PLD5: variants seen among roughly 807,000 people sequenced by gnomAD.
PLD5 encodes phospholipase D family member 5, also known as inactive phospholipase D5.
PLD5 carries 36 observed loss-of-function variants against 61.1 expected under a neutral mutation model. The observed-to-expected ratio is 0.59, with a 90% confidence interval of 0.45 to 0.78. PLD5 has a LOEUF of 0.78. PLD5 is among the 30% of genes least tolerant of loss of function. PLD5 has a pLI of 0.00. For synonymous variants in PLD5, 243 were observed against 242.8 expected, an observed-to-expected ratio of 1.00 and a Z score of -0.01; for missense variants, 515 against 644.4, an observed-to-expected ratio of 0.80 and a Z score of 2.17.
intron 1 of PLD5, among the ~76,000 whole-genome samples, chr1:242,493,810 T>C (rs777669023): frequency 6.6e-6 from 1 of 152,122 alleles, no homozygotes; most frequent in Non-Finnish European, 1.5e-5. Flanking sequence ...CAAGCAGTGC[T>C]CCAGCAGAGA....
intron 9 of PLD5, among the ~76,000 whole-genome samples, chr1:242,097,603 T>C (rs1052178315): frequency 6.6e-6 from 1 of 152,254 alleles, no homozygotes; most frequent in African/African-American, 2.4e-5. Context: ...GGTTGTTTTT[T>C]TCTCGTAAAT....
In PLD5 at chr1:242,107,835, A is replaced by AT; in HGVS notation, c.1074_1075insA (p.Tyr359IlefsTer19). 6.3e-7 allele frequency: 1 copy of AT among 1,589,754 alleles called. No individual in the cohort carries two copies. Among genetic ancestry groups the AT allele is most frequent in the Non-Finnish European group, 8.5e-7 (1 of 1,172,740 alleles). Reference sequence around the variant, plus strand: ...ATTTTTGCATCCAAGTCTGGCCAGTAAGTCCTGCAGAAATCATATCCAAAT... The same window carrying AT: ...ATTTTTGCATCCAAGTCTGGCCAGTATAGTCCTGCAGAAATCATATCCAAAT... On this transcript the variant is annotated frameshift_variant, in exon 8 of 10. Transcript: ENST00000536534. LOFTEE classifies it high-confidence loss of function.
intron 1 of PLD5, among the ~76,000 whole-genome samples, chr1:242,378,846 A>G (rs1290971885): frequency 6.6e-6 from 1 of 152,128 alleles, no homozygotes; most frequent in Non-Finnish European, 1.5e-5. Flanking sequence ...CAAAAATAAA[A>G]ATAAAACAAT....
rs553140814 is a variant in PLD5 at position 242,247,109 on chromosome 1, G to A, written c.607+18228C>T. 7.9e-5 allele frequency among the ~76,000 whole-genome samples: 12 copies of A among 151,706 alleles called. No individual in the cohort carries two copies. The South Asian group carries it at 1.9e-3, about 24-fold the overall frequency. On this transcript the variant is annotated intron_variant, in intron 4 of 9. Coordinates refer to ENST00000536534, the MANE Select transcript of PLD5 (RefSeq NM_001372062.1). ...CGCCATTCTCCTGCCTCAGCCTCCC[G>A]TGTAGCTGGGACTACAGGCGCCCGC...
At position 242,092,107 on chromosome 1, in the gene PLD5, C is replaced by T. The variant is rs559548719; in HGVS notation, c.1355-1997G>A. 3.4e-4 allele frequency among the ~76,000 whole-genome samples: 52 copies of T among 152,116 alleles called. 1 individual carries two copies. The East Asian group carries it at 8.7e-3, about 26-fold the overall frequency. On this transcript the variant is annotated intron_variant, in intron 9 of 9. Transcript: ENST00000536534. ...CCTCCTAAAGTGCTGGGATTACAAG[C>T]GTGAGCCACTGTGCCGGGCCTGATT... is the stretch of plus-strand genomic sequence containing the variant.
At chr1:242,263,834 T>C (rs1244750302) in intron 4 of PLD5, among the ~76,000 whole-genome samples, 1 of 152,248 alleles carries the variant, frequency 6.6e-6, no homozygotes, top group Admixed American at 6.5e-5. Context: ...CAATCACTAT[T>C]TGCTGTTTAC....
chr1:242,479,580 G>T (rs1228287421), intron 1 of PLD5, among the ~76,000 whole-genome samples: 1 of 152,126 alleles, frequency 6.6e-6, no homozygotes, highest in Non-Finnish European at 1.5e-5. Context: ...AGCAGATATT[G>T]TTAAGATTTT....
intron 1 of PLD5, among the ~76,000 whole-genome samples, chr1:242,512,787 A>G (rs984594358): frequency 1.3e-5 from 2 of 152,206 alleles, no homozygotes; most frequent in Non-Finnish European, 1.5e-5. Context: ...TACCTTCTTC[A>G]TCTGACAATT....
intron 1 of PLD5, among the ~76,000 whole-genome samples, chr1:242,404,628 T>C (rs1164569825): frequency 6.7e-6 from 1 of 150,080 alleles, no homozygotes; most frequent in Non-Finnish European, 1.5e-5. Flanking sequence ...TGGCACCGCT[T>C]TATCCACATT....
intron 2 of PLD5, among the ~76,000 whole-genome samples, chr1:242,305,669 T>C (rs905716434): frequency 6.6e-6 from 1 of 152,092 alleles, no homozygotes; most frequent in African/African-American, 2.4e-5. Context: ...AAGCGATTCT[T>C]CTGCCTCAGC....
intron 5 of PLD5, among the ~76,000 whole-genome samples, chr1:242,197,585 C>T (rs991368627): frequency 1.3e-5 from 2 of 152,100 alleles, no homozygotes; most frequent in African/African-American, 4.8e-5. Context: ...ATATCACCTC[C>T]TCTAAGAGAC....
chr1:242,515,233 T>A (rs1210775810), intron 1 of PLD5, among the ~76,000 whole-genome samples: 1 of 148,648 alleles, frequency 6.7e-6, no homozygotes, highest in Non-Finnish European at 1.5e-5. Context: ...AGAGAGAGAG[T>A]GTGTGTATCA....
At chr1:242,498,525 A>AAAAC (rs1270902580) in intron 1 of PLD5, among the ~76,000 whole-genome samples, 25 of 152,348 alleles carry the variant, frequency 1.6e-4, no homozygotes, top group Admixed American at 3.3e-4. Flanking sequence ...ATTTATGAGA[A>AAAAC]AAACATTGTT....
chr1:242,386,245 A>T (rs1446999150), intron 1 of PLD5, among the ~76,000 whole-genome samples: 1 of 152,188 alleles, frequency 6.6e-6, no homozygotes, highest in Non-Finnish European at 1.5e-5. Flanking sequence ...TGGGGGTAGA[A>T]CTTCAACATA....
chr1:242,509,235 C>T (rs904284640), intron 1 of PLD5, among the ~76,000 whole-genome samples: 1 of 151,654 alleles, frequency 6.6e-6, no homozygotes, highest in East Asian at 1.9e-4. Flanking sequence ...AGAAATTAGC[C>T]GGGCGTGATG....
At chr1:242,503,720 A>T (rs766278157) in intron 1 of PLD5, among the ~76,000 whole-genome samples, 1 of 152,060 alleles carries the variant, frequency 6.6e-6, no homozygotes, top group Non-Finnish European at 1.5e-5. Flanking sequence ...AGGCCTTAAG[A>T]AGCATTTCAC....
At position 242,085,273 on chromosome 1, in the gene PLD5, C is replaced by A. The variant is rs1659398021; in HGVS notation, c.*4581G>T. 1.3e-5 allele frequency: 2 copies of A among 151,508 alleles called. No homozygotes were observed. The allele number at this position is 151,508 out of a possible 1,614,324, so 9.4% of individuals were successfully genotyped here. On this transcript the variant is annotated 3_prime_UTR_variant, in exon 10 of 10. Transcript: ENST00000536534. ...AAATTGCCAAAAGAAGCGTTAATGACCAGTGAAGTTTTAGAACCTTGTAAA... is the reference window on the plus strand; with the variant it reads ...AAATTGCCAAAAGAAGCGTTAATGAACAGTGAAGTTTTAGAACCTTGTAAA...
At chr1:242,154,828 A>G (rs374233622) in intron 5 of PLD5, among the ~76,000 whole-genome samples, 2 of 152,150 alleles carry the variant, frequency 1.3e-5, no homozygotes, top group African/African-American at 2.4e-5. Flanking sequence ...TGTCTCTGTC[A>G]GGTTTTGGTA....
chr1:242,262,740 A>G (rs1214998123), intron 4 of PLD5, among the ~76,000 whole-genome samples: 3 of 152,202 alleles, frequency 2.0e-5, no homozygotes, highest in African/African-American at 7.2e-5. Context: ...GACTGAGCAC[A>G]TGGAAATTCA....
Sources: gnomAD v4.1 joint callset for allele counts (sites outside exome capture counted in the v4.1 genomes callset) on GRCh38, gnomAD v4.1.1 for gene constraint, MANE v1.5 for transcripts, NCBI Gene and HGNC (gene_info 2026-07-23, HGNC 2026-07-21) for gene names.